EPHB1: variants seen among roughly 807,000 people sequenced by gnomAD.
The protein encoded by EPHB1 is EPH receptor B1.
In EPHB1, 30 loss-of-function variants were observed where a neutral mutation model predicts 94.4. The ratio of observed to expected loss-of-function variants is 0.32; its 90% confidence interval spans 0.24 to 0.43. EPHB1 has a LOEUF of 0.43. Among genes scored for constraint, EPHB1 ranks in the 20% least tolerant of loss-of-function variants. EPHB1 has a pLI of 1.00. For missense variants in EPHB1, 1,055 were observed against 1,308.3 expected (o/e 0.81, Z 2.99); for synonymous variants, 522 against 489.1 (o/e 1.07, Z -0.89).
intron 12 of EPHB1, among the ~76,000 whole-genome samples, chr3:135,210,565 A>G (rs1386519081): frequency 1.3e-5 from 2 of 152,208 alleles, no homozygotes; most frequent in Admixed American, 6.5e-5. Flanking sequence ...TAGCTGTCCA[A>G]TTGTCCCTTC....
intron 3 of EPHB1, among the ~76,000 whole-genome samples, chr3:134,964,849 G>C (rs979443264): frequency 3.3e-5 from 5 of 152,304 alleles, no homozygotes; most frequent in African/African-American, 1.2e-4. Flanking sequence ...TTCATTGATA[G>C]AATTTTAATG....
At chr3:135,087,264 A>G (rs1017932787) in intron 3 of EPHB1, among the ~76,000 whole-genome samples, 1 of 152,232 alleles carries the variant, frequency 6.6e-6, no homozygotes, top group Non-Finnish European at 1.5e-5. Flanking sequence ...GTCATCTTGA[A>G]ATAATTGACA....
intron 4 of EPHB1, among the ~76,000 whole-genome samples, chr3:135,110,602 G>A (rs1483168285): frequency 6.6e-6 from 1 of 152,184 alleles, no homozygotes; most frequent in African/African-American, 2.4e-5. Flanking sequence ...TTAAAAGCCA[G>A]CAAGCAAATG....
At chr3:135,010,428 A>T (rs184809335) in intron 3 of EPHB1, among the ~76,000 whole-genome samples, 1 of 151,798 alleles carries the variant, frequency 6.6e-6, no homozygotes, top group Admixed American at 6.6e-5. Flanking sequence ...TTCTTCCACT[A>T]TGGTTTCTTT....
intron 3 of EPHB1, among the ~76,000 whole-genome samples, chr3:135,104,489 G>C (rs528266058): frequency 6.6e-6 from 1 of 152,208 alleles, no homozygotes; most frequent in South Asian, 2.1e-4. Flanking sequence ...GTCAGGAAGT[G>C]GTCCCTTTTT....
chr3:135,231,159 G>GAATGCCT (rs1201672995), intron 12 of EPHB1, among the ~76,000 whole-genome samples: 6 of 152,186 alleles, frequency 3.9e-5, no homozygotes, highest in Non-Finnish European at 8.8e-5. Context: ...GGGCCTGCTT[G>GAATGCCT]TCAAATGAAT....
chr3:134,995,941 G>A (rs1220072059), intron 3 of EPHB1, among the ~76,000 whole-genome samples: 1 of 150,180 alleles, frequency 6.7e-6, no homozygotes, highest in Non-Finnish European at 1.5e-5. Flanking sequence ...TTGGTATAAT[G>A]TGCATGTATT....
intron 3 of EPHB1, among the ~76,000 whole-genome samples, chr3:135,017,680 A>G (rs1290499107): frequency 6.6e-6 from 1 of 151,894 alleles, no homozygotes. Context: ...TCCCTGTGGG[A>G]CTGGCCTTCT....
chr3:135,251,844 C>T (rs971452822), intron 15 of EPHB1, among the ~76,000 whole-genome samples: 2 of 152,142 alleles, frequency 1.3e-5, no homozygotes, highest in East Asian at 3.9e-4. Flanking sequence ...GTGCTGGGTT[C>T]AGGGGGCTTT....
intron 1 of EPHB1, among the ~76,000 whole-genome samples, chr3:134,836,249 G>A (rs1354500801): frequency 2.0e-5 from 3 of 152,112 alleles, no homozygotes; most frequent in African/African-American, 7.2e-5. Flanking sequence ...TCAATGCAAG[G>A]CATGATTTAA....
intron 3 of EPHB1, among the ~76,000 whole-genome samples, chr3:134,967,821 T>TG (rs35531868): frequency 0.33 from 50,029 of 152,148 alleles, 8,625 homozygotes; most frequent in Middle Eastern, 0.51. Context: ...TTTAAGGTGA[T>TG]GGATGCACAT....
intron 3 of EPHB1, among the ~76,000 whole-genome samples, chr3:135,042,293 C>A (rs1161998563): frequency 1.3e-5 from 2 of 152,152 alleles, no homozygotes; most frequent in East Asian, 3.9e-4. Context: ...GAGGGCAGAG[C>A]CCTTATAGCC....
intron 10 of EPHB1, among the ~76,000 whole-genome samples, chr3:135,183,039 TTTCTTTCTTTCTTTC>T (rs766530070): frequency 0.063 from 5,565 of 88,080 alleles, 132 homozygotes; most frequent in East Asian, 0.11. Flanking sequence ...TCTTTCTTTC[TTTCTTTCTTTCTTTC>T]TTTCTTTCTT....
At chr3:135,234,363 C>T (rs1211056586) in intron 12 of EPHB1, among the ~76,000 whole-genome samples, 2 of 149,734 alleles carry the variant, frequency 1.3e-5, no homozygotes, top group South Asian at 4.2e-4. Flanking sequence ...GCCTGGACTT[C>T]GCTGTCCATA....
intron 5 of EPHB1, among the ~76,000 whole-genome samples, chr3:135,147,471 G>A (rs768455450): frequency 6.6e-6 from 1 of 152,102 alleles, no homozygotes; most frequent in East Asian, 1.9e-4. Context: ...AATATTCCTC[G>A]ACTGAGGAGC....
chr3:135,020,931 G>A (rs1350449793), intron 3 of EPHB1, among the ~76,000 whole-genome samples: 1 of 151,954 alleles, frequency 6.6e-6, no homozygotes, highest in Non-Finnish European at 1.5e-5. Context: ...ATAGTCAATT[G>A]ACGTAGTGTA....
At chr3:135,254,376 G>C (rs1287109314) in intron 15 of EPHB1, among the ~76,000 whole-genome samples, 94 of 81,024 alleles carry the variant, frequency 1.2e-3, no homozygotes, top group African/African-American at 3.9e-3. Context: ...TTATTATTTT[G>C]AAATACGTCC....
At position 134,973,712 on chromosome 3, in the gene EPHB1, G is replaced by A. The variant is rs139479218; in HGVS notation, c.805+21660G>A. On this transcript the variant is annotated intron_variant, in intron 3 of 15. Coordinates refer to ENST00000398015, the MANE Select transcript of EPHB1 (RefSeq NM_004441.5). The stretch of plus-strand genomic sequence containing the variant: ...CTCCCAAAGTGCTAGGATTACAGGC[G>A]TGAGCCACTGCATCTGGCTTGTCTT... Among the ~76,000 whole-genome samples the A allele has an allele frequency of 9.0e-3, 1,367 of 152,192 alleles. 22 individuals are homozygous for A. The highest frequency in any genetic ancestry group is 0.01 in the Non-Finnish European group (710 of 67,996).
In EPHB1 at chr3:135,038,767, G is replaced by A. The variant is rs565905411; in HGVS notation, c.806-67681G>A. On this transcript the variant is annotated intron_variant, in intron 3 of 15. Coordinates refer to ENST00000398015, the MANE Select transcript of EPHB1 (RefSeq NM_004441.5). ...GAGTGTTACAGCTCATAAAAGCAGC[G>A]TGGACCCAAAGAGTGAGCAGTAGCA... Among the ~76,000 whole-genome samples the A allele has an allele frequency of 6.1e-3, 930 of 151,994 alleles. 7 individuals carry two copies. The highest frequency in any genetic ancestry group is 8.4e-3 in the Non-Finnish European group (570 of 67,954).
Sources: gnomAD v4.1 joint callset for allele counts (sites outside exome capture counted in the v4.1 genomes callset) on GRCh38, gnomAD v4.1.1 for gene constraint, MANE v1.5 for transcripts, NCBI Gene and HGNC (gene_info 2026-07-23, HGNC 2026-07-21) for gene names.